Variants in CNTN5 observed in about 807,000 individuals in gnomAD.
CNTN5 encodes contactin-5.
CNTN5 carries 77 observed loss-of-function variants against 129.1 expected under a neutral mutation model. The observed-to-expected ratio is 0.60, with a 90% CI of 0.50 to 0.72. The LOEUF (loss-of-function observed/expected upper bound fraction) is 0.72. Ranked by LOEUF, CNTN5 falls within the 30% of genes least tolerant of loss-of-function variation. The probability of loss-of-function intolerance (pLI) is 0.00; values close to 1 mark genes in which losing one functional copy is unlikely to be tolerated. For synonymous variants in CNTN5, 509 were observed against 465.6 expected (o/e 1.09, Z -1.20); for missense variants, 1,478 against 1,328.8 (o/e 1.11, Z -1.75).
At chr11:99,469,303 G>T (rs1945077795) in intron 2 of CNTN5, among the ~76,000 whole-genome samples, 1 of 152,000 alleles carries the variant, frequency 6.6e-6, no homozygotes, top group African/African-American at 2.4e-5. Flanking sequence ...TAGAGACTTA[G>T]CTTTCATCCA....
At chr11:99,236,503 G>C (rs574847668) in intron 1 of CNTN5, among the ~76,000 whole-genome samples, 2 of 151,642 alleles carry the variant, frequency 1.3e-5, no homozygotes, top group African/African-American at 4.8e-5. Context: ...CACACAGAGA[G>C]AGAGAGAGTC....
intron 18 of CNTN5, among the ~76,000 whole-genome samples, chr11:100,285,850 T>A (rs1289512389): frequency 1.3e-5 from 2 of 152,168 alleles, no homozygotes; most frequent in Non-Finnish European, 2.9e-5. Context: ...GGTACCGGGT[T>A]CATCTCACTA....
At chr11:99,466,431 ATTCTTTTT>A (rs1944946282) in intron 2 of CNTN5, among the ~76,000 whole-genome samples, 1 of 152,174 alleles carries the variant, frequency 6.6e-6, no homozygotes, top group South Asian at 2.1e-4. Flanking sequence ...TATCTTTGAT[ATTCTTTTT>A]TCAGAACCCC....
intron 3 of CNTN5, among the ~76,000 whole-genome samples, chr11:99,642,746 CCTCTT>C (rs1487127361): frequency 1.3e-5 from 2 of 152,132 alleles, no homozygotes; most frequent in African/African-American, 4.8e-5. Context: ...CTTTCTCCAT[CCTCTT>C]CTCCCCTCTA....
intron 17 of CNTN5, among the ~76,000 whole-genome samples, chr11:100,263,044 A>G (rs1003773700): frequency 2.6e-5 from 4 of 152,126 alleles, no homozygotes; most frequent in African/African-American, 7.2e-5. Flanking sequence ...TTTCATCTCT[A>G]ATCATTTTCT....
At chr11:100,176,566 A>T (rs1947970706) in intron 13 of CNTN5, among the ~76,000 whole-genome samples, 1 of 152,016 alleles carries the variant, frequency 6.6e-6, no homozygotes, top group Non-Finnish European at 1.5e-5. Context: ...AGGCAGGAAA[A>T]ATTCTATGTA....
At chr11:100,328,399 G>A (rs756280683) in intron 21 of CNTN5, among the ~76,000 whole-genome samples, 4 of 152,072 alleles carry the variant, frequency 2.6e-5, no homozygotes, top group Non-Finnish European at 5.9e-5. Flanking sequence ...GCAATCCTAT[G>A]AAGAACTACC....
intron 3 of CNTN5, among the ~76,000 whole-genome samples, chr11:99,798,320 A>G (rs1351216283): frequency 6.6e-6 from 1 of 152,198 alleles, no homozygotes; most frequent in Non-Finnish European, 1.5e-5. Flanking sequence ...GTAGAATTGC[A>G]TTTAAGGACA....
chr11:99,277,986 G>A (rs1425980389), intron 1 of CNTN5, among the ~76,000 whole-genome samples: 1 of 151,590 alleles, frequency 6.6e-6, no homozygotes, highest in Non-Finnish European at 1.5e-5. Context: ...TTCATAGACA[G>A]GTATAGACTG....
intron 2 of CNTN5, among the ~76,000 whole-genome samples, chr11:99,483,785 A>T (rs747775925): frequency 6.6e-6 from 1 of 152,212 alleles, no homozygotes; most frequent in African/African-American, 2.4e-5. Flanking sequence ...TCAAAGCAAG[A>T]GTACCAAGAA....
chr11:99,696,051 A>G (rs17134219), intron 3 of CNTN5, among the ~76,000 whole-genome samples: 13,167 of 152,112 alleles, frequency 0.087, 646 homozygotes, highest in East Asian at 0.26. Flanking sequence ...ATTTTTCAAC[A>G]TAGTTTTCTC....
At position 100,075,340 on chromosome 11, in the gene CNTN5, T is replaced by C. The variant is rs183859533; in HGVS notation, c.1580+1046T>C. Among the ~76,000 whole-genome samples the C allele has an allele frequency of 2.4e-4, 37 of 152,182 alleles. 1 individual carries two copies. Among genetic ancestry groups the C allele is most frequent in the Admixed American group, 7.9e-4 (12 of 15,256 alleles). ...TCTTGGAAAGGGTGATCACCTGGGA[T>C]TGGGATGGGTCGTCGTTGGCACTCT... On this transcript the variant is annotated intron_variant, in intron 13 of 24. Coordinates refer to ENST00000524871, the MANE Select transcript of CNTN5 (RefSeq NM_014361.4).
In CNTN5 at chr11:99,128,767, G is replaced by A. The variant is rs754301141; in HGVS notation, c.-210+107497G>A. Reference sequence around the variant, plus strand: ...CTCTGGGATGAAGCTTCCAGAGGTAGGAGCAGGCAGCAATCTTTGATGTTC... The same window carrying A: ...CTCTGGGATGAAGCTTCCAGAGGTAAGAGCAGGCAGCAATCTTTGATGTTC... On this transcript the variant is annotated intron_variant, in intron 1 of 24. Coordinates refer to ENST00000524871, the MANE Select transcript of CNTN5 (RefSeq NM_014361.4). Among the ~76,000 whole-genome samples, 203 of 152,152 alleles carry A rather than the reference G, an allele frequency of 1.3e-3. 2 individuals are homozygous for A. Among genetic ancestry groups the A allele is most frequent in the Non-Finnish European group, 4.9e-4 (33 of 68,030 alleles).
intron 3 of CNTN5, among the ~76,000 whole-genome samples, chr11:99,743,230 A>G (rs1427657851): frequency 2.6e-5 from 4 of 152,200 alleles, no homozygotes; most frequent in African/African-American, 4.8e-5. Flanking sequence ...CTGATTATGC[A>G]TACACAAATA....
intron 1 of CNTN5, among the ~76,000 whole-genome samples, chr11:99,247,808 T>C (rs1202146246): frequency 6.6e-6 from 1 of 152,198 alleles, no homozygotes; most frequent in Admixed American, 6.5e-5. Flanking sequence ...TTTTTATGGC[T>C]GCATGGTATT....
intron 3 of CNTN5, among the ~76,000 whole-genome samples, chr11:99,651,476 A>G (rs965233038): frequency 2.6e-5 from 4 of 151,998 alleles, no homozygotes; most frequent in Non-Finnish European, 5.9e-5. Context: ...TTTAAATGTA[A>G]TATCATTGAA....
At chr11:100,131,509 G>T (rs1213105138) in intron 13 of CNTN5, among the ~76,000 whole-genome samples, 2 of 151,984 alleles carry the variant, frequency 1.3e-5, no homozygotes, top group Non-Finnish European at 2.9e-5. Flanking sequence ...GGCTATGTTT[G>T]GGGGGAAACT....
intron 6 of CNTN5, among the ~76,000 whole-genome samples, chr11:99,878,332 A>C (rs1287907447): frequency 6.6e-6 from 1 of 152,146 alleles, no homozygotes; most frequent in East Asian, 1.9e-4. Context: ...ATATAAGTTG[A>C]CTTTACTTTG....
intron 6 of CNTN5, among the ~76,000 whole-genome samples, chr11:99,865,976 T>G (rs1334760231): frequency 1.3e-5 from 2 of 152,120 alleles, no homozygotes; most frequent in African/African-American, 4.8e-5. Context: ...TTTTAAAAAA[T>G]TCACTTGTTT....
Sources: allele counts gnomAD v4.1 joint callset (sites outside exome capture counted in the v4.1 genomes callset), GRCh38; gene constraint gnomAD v4.1.1; transcripts MANE v1.5; gene names NCBI Gene and HGNC (gene_info 2026-07-23, HGNC 2026-07-21).